TBL1X: variants seen among roughly 807,000 people sequenced by gnomAD.
TBL1X encodes F-box-like/WD repeat-containing protein TBL1X.
TBL1X carries 10 observed loss-of-function variants against 50.7 expected under a neutral mutation model. The ratio of observed to expected loss-of-function variants is 0.20; its 90% CI spans 0.12 to 0.33. The LOEUF (loss-of-function observed/expected upper bound fraction) is 0.33, where lower values mean the gene tolerates loss of function less well. Among genes scored for constraint, TBL1X ranks in the 10% least tolerant of loss-of-function variants. TBL1X has a pLI of 1.00. For missense variants in TBL1X, 340 were observed against 504.4 expected (o/e 0.67, Z 3.12); for synonymous variants, 190 against 214.7 (o/e 0.88, Z 1.01).
intron 2 of TBL1X, among the ~76,000 whole-genome samples, chrX:9,527,915 C>G (rs1264816049): frequency 2.7e-5 from 3 of 111,006 alleles, no homozygotes; most frequent in Admixed American, 9.5e-5. Context: ...TCCCGAGTAG[C>G]TGGGACCACA....
At chrX:9,707,817 A>G (rs1174202194) in intron 13 of TBL1X, among the ~76,000 whole-genome samples, 1 of 111,880 alleles carries the variant, frequency 8.9e-6, no homozygotes, top group Non-Finnish European at 1.9e-5. Flanking sequence ...GGGCTCTCGC[A>G]GCAGCCTGCC....
At chrX:9,660,708 T>C (rs1249708291) in intron 5 of TBL1X, among the ~76,000 whole-genome samples, 1 of 112,478 alleles carries the variant, frequency 8.9e-6, no homozygotes, top group Non-Finnish European at 1.9e-5. Flanking sequence ...CTCTGGGCAC[T>C]CTTGTTTTCC....
At chrX:9,476,241 T>C (rs780689008) in intron 1 of TBL1X, among the ~76,000 whole-genome samples, 38 of 112,035 alleles carry the variant, frequency 3.4e-4, no homozygotes, top group African/African-American at 1.2e-3. Flanking sequence ...TAATGAACCA[T>C]AAAGCAGATG....
rs746013426 is a variant in TBL1X, at chrX:9,484,317, T to TACACACACACAC, written c.-200-17456_-200-17445dup. On this transcript the variant is annotated intron_variant, in intron 1 of 17. Transcript: ENST00000645353. ...CCACCGTGCCTGGCTCGTTTTTTCA[T>TACACACACACAC]ACACACACACACACACACCCATATT... is the stretch of plus-strand genomic sequence containing the variant. Among the ~76,000 whole-genome samples the TACACACACACAC allele has an allele frequency of 2.9e-3, 321 of 108,831 alleles. 1 individual carries two copies. Among genetic ancestry groups the TACACACACACAC allele is most frequent in the African/African-American group, 0.011 (313 of 29,624 alleles). The allele number at this position is 108,831 out of a possible 115,157, so 94.5% of individuals were successfully genotyped here.
chrX:9,682,120 T>C (rs1390239853), intron 5 of TBL1X, among the ~76,000 whole-genome samples: 4 of 112,634 alleles, frequency 3.6e-5, no homozygotes, highest in Non-Finnish European at 7.5e-5. Flanking sequence ...GATAAAAGCT[T>C]GCAGGTAAAA....
intron 2 of TBL1X, among the ~76,000 whole-genome samples, chrX:9,527,949 G>A (rs1357897164): frequency 9.0e-6 from 1 of 110,785 alleles, no homozygotes; most frequent in African/African-American, 3.3e-5. Context: ...ACGCCAGGCT[G>A]ATTTTTTAAC....
chrX:9,488,082 A>T (rs758784707), intron 1 of TBL1X, among the ~76,000 whole-genome samples: 2 of 112,054 alleles, frequency 1.8e-5, no homozygotes, highest in Admixed American at 1.9e-4. Context: ...CATTCATGGG[A>T]CATGATTTTC....
chrX:9,488,952 CTGGGATTGCAGG>C (rs1569204860), intron 1 of TBL1X, among the ~76,000 whole-genome samples: 1 of 111,237 alleles, frequency 9.0e-6, no homozygotes, highest in African/African-American at 3.3e-5. Context: ...TCCCAAAGTG[CTGGGATTGCAGG>C]TTTGAGCCAC....
At chrX:9,600,375 A>G (rs1167394094) in intron 2 of TBL1X, among the ~76,000 whole-genome samples, 1 of 93,348 alleles carries the variant, frequency 1.1e-5, no homozygotes, top group African/African-American at 4.1e-5. Flanking sequence ...CCCATTCATG[A>G]GGCCCCACCC....
chrX:9,687,510 G>C (rs1296959646), intron 6 of TBL1X, among the ~76,000 whole-genome samples: 1 of 111,024 alleles, frequency 9.0e-6, no homozygotes, highest in Admixed American at 9.5e-5. Flanking sequence ...TCAGTATTTG[G>C]GGCTGCGTGT....
chrX:9,681,342 G>A (rs1027060959), intron 5 of TBL1X, among the ~76,000 whole-genome samples: 8 of 111,969 alleles, frequency 7.1e-5, no homozygotes, highest in African/African-American at 1.6e-4. Context: ...GCGGAATCTC[G>A]GAGTCACATA....
chrX:9,586,573 T>C (rs966966763), intron 2 of TBL1X, among the ~76,000 whole-genome samples: 1 of 111,433 alleles, frequency 9.0e-6, no homozygotes, highest in Admixed American at 9.5e-5. Flanking sequence ...TTGCACAGCA[T>C]TGTGAATTTA....
intron 9 of TBL1X, among the ~76,000 whole-genome samples, chrX:9,692,610 G>A (rs188426371): frequency 2.4e-4 from 27 of 112,454 alleles, no homozygotes; most frequent in African/African-American, 8.7e-4. Context: ...GTTTCACCAT[G>A]TCGGCCAGGC....
intron 1 of TBL1X, among the ~76,000 whole-genome samples, chrX:9,492,887 GTGTGTGTGTGTA>G (rs2081953725): frequency 3.1e-5 from 1 of 32,436 alleles, no homozygotes; most frequent in Non-Finnish European, 6.8e-5. Flanking sequence ...GTGTGTGTGT[GTGTGTGTGTGTA>G]GGGGAGGAAG....
intron 2 of TBL1X, among the ~76,000 whole-genome samples, chrX:9,548,217 A>G (rs1247933727): frequency 9.0e-6 from 1 of 110,728 alleles, no homozygotes; most frequent in Admixed American, 9.7e-5. Context: ...TAAGATATGC[A>G]TATTTTATCC....
In TBL1X at chrX:9,566,905, C is replaced by A. The variant is rs189979087; in HGVS notation, c.-131+65056C>A. Among the ~76,000 whole-genome samples, 17 of 112,192 alleles carry A rather than the reference C, an allele frequency of 1.5e-4. No homozygotes were observed. The East Asian group carries it at 4.8e-3, about 31-fold the overall frequency. On this transcript the variant is annotated intron_variant, in intron 2 of 17. Transcript: ENST00000645353. ...ATGAAACCTCATAAATAGTTTAAAA[C>A]CCTCATTTCACAGCTGAGGAAACTC...
At chrX:9,478,300 C>T (rs915913335) in intron 1 of TBL1X, among the ~76,000 whole-genome samples, 1 of 111,311 alleles carries the variant, frequency 9.0e-6, no homozygotes, top group African/African-American at 3.3e-5. Flanking sequence ...TATGCTTCCC[C>T]TGTCTTTCAT....
intron 12 of TBL1X, among the ~76,000 whole-genome samples, 196 bp from the exon 13 acceptor site, chrX:9,704,797 T>G (rs1484417369): frequency 1.8e-5 from 2 of 111,938 alleles, no homozygotes; most frequent in East Asian, 5.6e-4. Flanking sequence ...GTGGATCCCT[T>G]GAGCCCAGGA....
intron 2 of TBL1X, among the ~76,000 whole-genome samples, chrX:9,614,309 T>C (rs750583726): frequency 3.6e-5 from 4 of 111,648 alleles, no homozygotes; most frequent in Admixed American, 1.9e-4. Context: ...GGCTCACATC[T>C]GTAATCTCAG....
Sources: allele counts gnomAD v4.1 joint callset (sites outside exome capture counted in the v4.1 genomes callset), GRCh38; gene constraint gnomAD v4.1.1; transcripts MANE v1.5; gene names NCBI Gene and HGNC (gene_info 2026-07-23, HGNC 2026-07-21).